PDE4B: variants seen among roughly 807,000 people sequenced by gnomAD.
PDE4B encodes the protein 3',5'-cyclic-AMP phosphodiesterase 4B.
Under a neutral mutation model 82.2 loss-of-function variants are expected in PDE4B, and 20 were observed. That is an observed-to-expected ratio of 0.24 (90% CI 0.17 to 0.35). PDE4B has a LOEUF of 0.35. PDE4B is among the 10% of genes least tolerant of loss of function. The pLI is 1.00. For synonymous variants in PDE4B, 320 were observed against 318.9 expected, an observed-to-expected ratio of 1.00 and a Z score of -0.04; for missense variants, 655 against 907.2, an observed-to-expected ratio of 0.72 and a Z score of 3.57.
intron 3 of PDE4B, among the ~76,000 whole-genome samples, chr1:66,043,230 A>G (rs971288383): frequency 1.3e-5 from 2 of 151,816 alleles, no homozygotes; most frequent in Non-Finnish European, 2.9e-5. Context: ...TACCTCTTTG[A>G]ATTTTTGACC....
At chr1:66,287,189 C>A (rs894921606) in intron 7 of PDE4B, among the ~76,000 whole-genome samples, 5 of 152,116 alleles carry the variant, frequency 3.3e-5, no homozygotes, top group Admixed American at 2.0e-4. Flanking sequence ...TCAGAGCTGT[C>A]CTGCCCCCAC....
intron 3 of PDE4B, among the ~76,000 whole-genome samples, chr1:66,169,346 C>T (rs1646795702): frequency 6.6e-6 from 1 of 152,160 alleles, no homozygotes; most frequent in Admixed American, 6.5e-5. Flanking sequence ...AAATATACAC[C>T]AGCATGCTTA....
chr1:66,285,692 G>C (rs955124392), intron 7 of PDE4B, among the ~76,000 whole-genome samples: 14 of 152,036 alleles, frequency 9.2e-5, no homozygotes, highest in Non-Finnish European at 1.8e-4. Context: ...TTTTATGGCT[G>C]AGTAGTATTC....
chr1:65,948,125 A>G (rs1278813119), intron 3 of PDE4B, among the ~76,000 whole-genome samples: 6 of 151,624 alleles, frequency 4.0e-5, no homozygotes, highest in East Asian at 1.9e-4. Context: ...TTACAATTCA[A>G]TGAACAAAGG....
At chr1:66,017,888 C>T (rs532475850) in intron 3 of PDE4B, among the ~76,000 whole-genome samples, 84 of 152,078 alleles carry the variant, frequency 5.5e-4, no homozygotes, top group African/African-American at 1.9e-3. Flanking sequence ...TTATACCTCA[C>T]CAATTATTTA....
intron 3 of PDE4B, among the ~76,000 whole-genome samples, chr1:66,020,464 C>T (rs1569997182): frequency 6.6e-6 from 1 of 151,448 alleles, no homozygotes; most frequent in Non-Finnish European, 1.5e-5. Context: ...TCCCTCCTCC[C>T]TCCCCCCACC....
At chr1:66,076,389 C>T (rs992681813) in intron 3 of PDE4B, among the ~76,000 whole-genome samples, 1 of 152,130 alleles carries the variant, frequency 6.6e-6, no homozygotes, top group South Asian at 2.1e-4. Flanking sequence ...AATTTTCCAT[C>T]GTTATATGTA....
intron 3 of PDE4B, among the ~76,000 whole-genome samples, chr1:65,934,109 T>C (rs1647988494): frequency 6.6e-6 from 1 of 152,090 alleles, no homozygotes; most frequent in South Asian, 2.1e-4. Context: ...GAAATACCTA[T>C]AGAAGATACA....
intron 7 of PDE4B, among the ~76,000 whole-genome samples, chr1:66,328,189 T>C (rs1415760343): frequency 1.3e-5 from 2 of 152,224 alleles, no homozygotes; most frequent in Non-Finnish European, 2.9e-5. Flanking sequence ...TCAAATGCAA[T>C]ACCCAGCAAA....
intron 3 of PDE4B, among the ~76,000 whole-genome samples, chr1:66,164,551 AAAAAAAAAAAAGAAAG>A (rs1310706529): frequency 6.8e-6 from 1 of 146,990 alleles, no homozygotes; most frequent in Admixed American, 6.8e-5. Context: ...AAAAAAAAAA[AAAAAAAAAAAAGAAAG>A]AAAGAAAGAA....
chr1:66,250,260 T>C (rs1653646650), intron 4 of PDE4B, among the ~76,000 whole-genome samples: 1 of 152,146 alleles, frequency 6.6e-6, no homozygotes, highest in South Asian at 2.1e-4. Flanking sequence ...ACCAAGAGTC[T>C]AGATGTGAAG....
At chr1:66,105,005 G>C (rs1240854924) in intron 3 of PDE4B, among the ~76,000 whole-genome samples, 1 of 151,984 alleles carries the variant, frequency 6.6e-6, no homozygotes, top group African/African-American at 2.4e-5. Context: ...TAGACATGAA[G>C]TCCTTGCCCA....
chr1:66,177,090 A>C (rs990110186), intron 3 of PDE4B, among the ~76,000 whole-genome samples: 1 of 152,230 alleles, frequency 6.6e-6, no homozygotes, highest in Non-Finnish European at 1.5e-5. Flanking sequence ...AGGAGGTGAC[A>C]TTTGACTTCA....
At chr1:65,940,966 C>T (rs1648412448) in intron 3 of PDE4B, among the ~76,000 whole-genome samples, 1 of 151,522 alleles carries the variant, frequency 6.6e-6, no homozygotes, top group African/African-American at 2.4e-5. Flanking sequence ...CTTGATGTAC[C>T]CACCATATAG....
At chr1:65,972,269 C>A (rs4393125) in intron 3 of PDE4B, among the ~76,000 whole-genome samples, 352 of 152,246 alleles carry the variant, frequency 2.3e-3, no homozygotes, top group African/African-American at 8.3e-3. Flanking sequence ...CTCAGTCCCC[C>A]AAAAGGCCGG....
intron 1 of PDE4B, among the ~76,000 whole-genome samples, chr1:65,850,154 G>A (rs1571013797): frequency 9.2e-6 from 1 of 108,354 alleles, no homozygotes; most frequent in South Asian, 3.0e-4. Context: ...TCTCTCTGTT[G>A]CCCAGGCTGG....
intron 8 of PDE4B, among the ~76,000 whole-genome samples, chr1:66,342,819 G>A (rs375861243): frequency 1.3e-5 from 2 of 151,882 alleles, no homozygotes; most frequent in African/African-American, 4.8e-5. Flanking sequence ...CTAAGAGGGC[G>A]AATCACTTGA....
intron 3 of PDE4B, among the ~76,000 whole-genome samples, chr1:65,960,246 T>C (rs1378363315): frequency 6.6e-6 from 1 of 152,132 alleles, no homozygotes; most frequent in Non-Finnish European, 1.5e-5. Context: ...TATTTGCTTT[T>C]GTGTGGCAGC....
chr1:66,047,827 A>T (rs1654798746), intron 3 of PDE4B, among the ~76,000 whole-genome samples: 3 of 151,938 alleles, frequency 2.0e-5, no homozygotes, highest in Non-Finnish European at 4.4e-5. Context: ...AATGCAATTA[A>T]ATAAATTTCA....
Sources: gnomAD v4.1 joint callset for allele counts (sites outside exome capture counted in the v4.1 genomes callset) on GRCh38, gnomAD v4.1.1 for gene constraint, MANE v1.5 for transcripts, NCBI Gene and HGNC (gene_info 2026-07-23, HGNC 2026-07-21) for gene names.